Variants in ITGA11 observed in about 807,000 individuals in gnomAD.
ITGA11 encodes the protein integrin alpha-11.
In ITGA11, 97 loss-of-function variants were observed where a neutral mutation model predicts 141.9. That is an observed-to-expected ratio of 0.68 (90% CI 0.58 to 0.81). The LOEUF (loss-of-function observed/expected upper bound fraction) is 0.81. Ranked by LOEUF, ITGA11 falls within the 30% of genes least tolerant of loss-of-function variation. The pLI, the probability that ITGA11 is intolerant of heterozygous loss-of-function variation, is 0.00. For missense variants in ITGA11, 1,387 were observed against 1,559.2 expected (o/e 0.89, Z 1.86); for synonymous variants, 658 against 624.6 (o/e 1.05, Z -0.80).
At chr15:68,355,802 C>T (rs1478760590) in intron 7 of ITGA11, among the ~76,000 whole-genome samples, 1 of 151,876 alleles carries the variant, frequency 6.6e-6, no homozygotes, top group Non-Finnish European at 1.5e-5. Flanking sequence ...ACTAACCCTA[C>T]CTAAGGTGGG....
In ITGA11 at chr15:68,304,054, C is replaced by T. The variant is rs913291058; in HGVS notation, c.3382-169G>A. On this transcript the variant is annotated intron_variant, in intron 28 of 29. Transcript: ENST00000315757. The surrounding 1 kb of genome is among the most constrained non-coding windows in gnomAD (Gnocchi z 6.1). ...GGACAGGCCAGCCAAGGCCTCAGGACGACCACTGCCTGAACAGCCGACACT... is the reference window on the plus strand; with the variant it reads ...GGACAGGCCAGCCAAGGCCTCAGGATGACCACTGCCTGAACAGCCGACACT... 3.3e-5 allele frequency among the ~76,000 whole-genome samples: 5 copies of T among 152,140 alleles called. No individual in the cohort carries two copies. The highest frequency in any genetic ancestry group is 1.3e-4 in the Admixed American group (2 of 15,286).
intron 2 of ITGA11, among the ~76,000 whole-genome samples, chr15:68,392,753 T>C (rs1418175579): frequency 1.3e-5 from 2 of 152,208 alleles, no homozygotes; most frequent in Non-Finnish European, 2.9e-5. Flanking sequence ...GGGATTTCAT[T>C]TGAGACCCCA....
At chr15:68,358,197 T>G (rs922135435) in intron 6 of ITGA11, among the ~76,000 whole-genome samples, 15 of 152,214 alleles carry the variant, frequency 9.9e-5, no homozygotes, top group African/African-American at 3.6e-4. Context: ...CTTGTCACTT[T>G]TTAGCTTGTC....
chr15:68,304,020 G>A lies in ITGA11; in HGVS notation c.3382-135C>T. 2 of 589,556 alleles carry A rather than the reference G, an allele frequency of 3.4e-6. No homozygotes were observed. The highest frequency in any genetic ancestry group is 4.1e-5 in the South Asian group (2 of 49,260). The allele number at this position is 589,556 out of a possible 1,614,324, so 36.5% of individuals were successfully genotyped here. ...TCCTCTTCCTCAGGGGGATACCAGAGGGATGGGTGGACAGGCCAGCCAAGG... is the reference window on the plus strand; with the variant it reads ...TCCTCTTCCTCAGGGGGATACCAGAAGGATGGGTGGACAGGCCAGCCAAGG... On this transcript the variant is annotated intron_variant, in intron 28 of 29. Coordinates refer to ENST00000315757, the MANE Select transcript of ITGA11 (RefSeq NM_001004439.2). The surrounding 1 kb of genome is among the most constrained non-coding windows in gnomAD (Gnocchi z 6.1).
intron 22 of ITGA11, among the ~76,000 whole-genome samples, chr15:68,314,801 C>T (rs752082773): frequency 3.3e-5 from 5 of 152,186 alleles, no homozygotes; most frequent in African/African-American, 4.8e-5. Flanking sequence ...GACGCGAGCA[C>T]GTGTCGGGTA....
chr15:68,419,373 C>A (rs1253066809), intron 1 of ITGA11, among the ~76,000 whole-genome samples: 1 of 152,156 alleles, frequency 6.6e-6, no homozygotes, highest in Non-Finnish European at 1.5e-5. Context: ...AGTGGTGAGC[C>A]CCCATCACTG....
rs1894248271 is a variant in ITGA11 at position 68,333,595 on chromosome 15, G to A, written c.1426-1117C>T. On this transcript the variant is annotated intron_variant, in intron 12 of 29. Coordinates refer to ENST00000315757, the MANE Select transcript of ITGA11 (RefSeq NM_001004439.2). The surrounding 1 kb of genome is among the most constrained non-coding windows in gnomAD (Gnocchi z 4.2). ...CTCCACCTCTCCCACCCGTAAACCT[G>A]CCAGCAAGTGCTACGTGGTGGGTGC... 6.6e-6 allele frequency among the ~76,000 whole-genome samples: 1 copy of A among 152,098 alleles called. No individual in the cohort carries two copies. Among genetic ancestry groups the A allele is most frequent in the Non-Finnish European group, 1.5e-5 (1 of 68,006 alleles).
intron 3 of ITGA11, among the ~76,000 whole-genome samples, chr15:68,367,829 G>A (rs139754326): frequency 3.1e-4 from 47 of 152,316 alleles, no homozygotes; most frequent in African/African-American, 1.0e-3. Context: ...TGTGAACTCC[G>A]CATGGACACA....
intron 20 of ITGA11, 147 bp downstream of exon 20, chr15:68,320,038 C>T: frequency 1.5e-6 from 1 of 686,412 alleles, no homozygotes; most frequent in Non-Finnish European, 2.5e-6. Context: ...GATCCTCCCA[C>T]CTCAGCCTCC....
At chr15:68,361,791 C>T (rs776782131) in intron 4 of ITGA11, 87 bp from the exon 5 acceptor site, 2 of 866,878 alleles carry the variant, frequency 2.3e-6, no homozygotes, top group Non-Finnish European at 3.7e-6. Flanking sequence ...TCCCATCCTC[C>T]ACGACCCAAG....
rs1896110555 is a variant in ITGA11, at chr15:68,391,161, A to G, written c.164+11757T>C. On this transcript the variant is annotated intron_variant, in intron 2 of 29. Transcript: ENST00000315757. ...CACAAGTGGGAACAGAGATTCTAGA[A>G]AGGCCCAGTGTGCTCCTGTCCATTC... is the stretch of plus-strand genomic sequence containing the variant. Among the ~76,000 whole-genome samples the G allele has an allele frequency of 3.3e-5, 5 of 152,056 alleles. 1 individual carries two copies. Among genetic ancestry groups the G allele is most frequent in the Admixed American group, 3.3e-4 (5 of 15,278 alleles).
chr15:68,363,255 C>T (rs922378895), intron 4 of ITGA11, among the ~76,000 whole-genome samples: 1 of 152,068 alleles, frequency 6.6e-6, no homozygotes, highest in Non-Finnish European at 1.5e-5. Flanking sequence ...CAAGGATTAA[C>T]CTACTCACAG....
At chr15:68,422,244 T>A (rs8042332) in intron 1 of ITGA11, among the ~76,000 whole-genome samples, 102,807 of 151,902 alleles carry the variant, frequency 0.68, 35,160 homozygotes, top group African/African-American at 0.76. Context: ...CTCCACTGCC[T>A]GAGGGCCACC....
At chr15:68,384,612 A>T (rs1415827701) in intron 2 of ITGA11, among the ~76,000 whole-genome samples, 1 of 152,144 alleles carries the variant, frequency 6.6e-6, no homozygotes, top group Non-Finnish European at 1.5e-5. Context: ...TTCCCCACGA[A>T]TACAGTTTTT....
intron 2 of ITGA11, among the ~76,000 whole-genome samples, chr15:68,381,922 G>A (rs1282573098): frequency 6.6e-6 from 1 of 152,162 alleles, no homozygotes; most frequent in East Asian, 1.9e-4. Context: ...TAGTTAAGGG[G>A]CAGCTCTTCG....
intron 2 of ITGA11, among the ~76,000 whole-genome samples, chr15:68,370,161 T>C (rs1281249366): frequency 1.3e-5 from 2 of 152,164 alleles, no homozygotes; most frequent in African/African-American, 2.4e-5. Flanking sequence ...TTCAGGACTC[T>C]GAGGGAATGC....
Position 68,328,054 on chromosome 15 carries a change from A to T in ITGA11, c.2068+42T>A. The T allele has an allele frequency of 1.9e-6, 3 of 1,574,140 alleles. No homozygotes were observed. Among genetic ancestry groups the T allele is most frequent in the Non-Finnish European group, 2.6e-6 (3 of 1,156,818 alleles). ...GAAATAGAGCAAGGTGCAGGGGGAG[A>T]CTGGAGTCTGGGGGTGGGGAGAAAG... On this transcript the variant is annotated intron_variant, in intron 16 of 29. Transcript: ENST00000315757. The surrounding 1 kb of genome is among the most constrained non-coding windows in gnomAD (Gnocchi z 4.8).
At chr15:68,318,817 G>T (rs1893690626) in intron 20 of ITGA11, among the ~76,000 whole-genome samples, 1 of 152,144 alleles carries the variant, frequency 6.6e-6, no homozygotes, top group Admixed American at 6.5e-5. Flanking sequence ...GGCACACTGG[G>T]TTCCACATTG....
At chr15:68,344,455 A>G (rs1175430913) in intron 10 of ITGA11, among the ~76,000 whole-genome samples, 1 of 152,176 alleles carries the variant, frequency 6.6e-6, no homozygotes, top group Non-Finnish European at 1.5e-5. Flanking sequence ...ACCTTAGCGA[A>G]TAGCCAATAC....
Sources: allele counts gnomAD v4.1 joint callset (sites outside exome capture counted in the v4.1 genomes callset), GRCh38; gene constraint gnomAD v4.1.1; non-coding constraint Gnocchi (gnomAD v3.1); transcripts MANE v1.5; gene names NCBI Gene and HGNC (gene_info 2026-07-23, HGNC 2026-07-21).